Variants in KATNAL2 observed in about 807,000 individuals in gnomAD.
The protein encoded by KATNAL2 is katanin p60 ATPase-containing subunit A-like 2.
A neutral mutation model predicts 76.3 loss-of-function variants in KATNAL2; 52 were observed. That is an observed-to-expected ratio of 0.68 (90% CI 0.55 to 0.86). The LOEUF is 0.86. Ranked by LOEUF, KATNAL2 falls within the 40% of genes least tolerant of loss-of-function variation. The pLI, the probability that KATNAL2 is intolerant of heterozygous loss-of-function variation, is 0.00. For synonymous variants in KATNAL2, 243 were observed against 244.2 expected, an observed-to-expected ratio of 1.00 and a Z score of 0.05; for missense variants, 660 against 668.9, an observed-to-expected ratio of 0.99 and a Z score of 0.15.
At chr18:46,953,998 C>A (rs1599441041) in intron 3 of KATNAL2, among the ~76,000 whole-genome samples, 1 of 152,156 alleles carries the variant, frequency 6.6e-6, no homozygotes, top group Middle Eastern at 3.4e-3. Context: ...TTGGAGAGAA[C>A]AGAGGAAGAC....
At chr18:47,087,999 T>G (rs753030753) in intron 15 of KATNAL2, among the ~76,000 whole-genome samples, 4 of 152,178 alleles carry the variant, frequency 2.6e-5, no homozygotes, top group Non-Finnish European at 4.4e-5. Flanking sequence ...GTTGAACACC[T>G]TTTCCCACTA....
chr18:46,918,995 G>A (rs868182608), intron 1 of KATNAL2, among the ~76,000 whole-genome samples: 3 of 147,450 alleles, frequency 2.0e-5, no homozygotes, highest in South Asian at 2.1e-4. Flanking sequence ...GTGTGTGCGT[G>A]TATATATATA....
At position 47,055,344 on chromosome 18, in the gene KATNAL2, A is replaced by G. The variant is rs1365563454; in HGVS notation, c.332+906A>G. On this transcript the variant is annotated intron_variant, in intron 6 of 17. Transcript: ENST00000683218. ...TTAAAGTCTTAAAATGCTCTTGGAA[A>G]AAGAAAAGTTAGATTGTAATCACAT... Among the ~76,000 whole-genome samples, 5 of 152,250 alleles carry G rather than the reference A, an allele frequency of 3.3e-5. No individual in the cohort carries two copies. In the East Asian group the frequency reaches 9.6e-4, roughly 29 times the overall value.
chr18:46,945,203 C>A (rs1726385425), intron 1 of KATNAL2, among the ~76,000 whole-genome samples: 2 of 152,158 alleles, frequency 1.3e-5, no homozygotes, highest in African/African-American at 4.8e-5. Context: ...TCATTCATAT[C>A]AAAGAATCAC....
At chr18:47,051,292 G>A (rs183986419) in intron 4 of KATNAL2, among the ~76,000 whole-genome samples, 43 of 152,148 alleles carry the variant, frequency 2.8e-4, no homozygotes, top group African/African-American at 9.4e-4. Flanking sequence ...ATAGCTGGGC[G>A]TGGTGGTGCA....
At chr18:47,034,655 C>T (rs1395887650) in intron 3 of KATNAL2, 3 of 1,613,602 alleles carry the variant, frequency 1.9e-6, no homozygotes, top group Admixed American at 3.3e-5. Context: ...AGCAGAGGCC[C>T]GCCCTGAGCC....
rs1390574492 is a variant in KATNAL2 at position 47,031,385 on chromosome 18, A to T, written c.52-15072A>T. Reference sequence around the variant, plus strand: ...TCGTTGGCAGTTTCGCGTAATTTTTAATTTCTCGTGTGACTTTTTTTGTGT... The same window carrying T: ...TCGTTGGCAGTTTCGCGTAATTTTTTATTTCTCGTGTGACTTTTTTTGTGT... On this transcript the variant is annotated intron_variant, in intron 3 of 17. Transcript: ENST00000683218. Among the ~76,000 whole-genome samples, 3 of 151,556 alleles carry T rather than the reference A, an allele frequency of 2.0e-5. No individual in the cohort carries two copies. In the South Asian group the frequency reaches 6.3e-4, roughly 32 times the overall value.
chr18:47,070,243 C>G (rs565273523), intron 13 of KATNAL2, among the ~76,000 whole-genome samples: 1 of 151,838 alleles, frequency 6.6e-6, no homozygotes, highest in African/African-American at 2.4e-5. Context: ...ATTACAGGTG[C>G]CTGCCACCAC....
intron 13 of KATNAL2, among the ~76,000 whole-genome samples, chr18:47,073,455 A>G (rs2062076704): frequency 6.6e-6 from 1 of 152,040 alleles, no homozygotes; most frequent in African/African-American, 2.4e-5. Flanking sequence ...TTTTCTCTTT[A>G]TTTTCTGAGC....
At chr18:47,081,727 G>C (rs984206314) in intron 15 of KATNAL2, among the ~76,000 whole-genome samples, 4 of 152,166 alleles carry the variant, frequency 2.6e-5, no homozygotes, top group African/African-American at 9.7e-5. Context: ...GTTAGGTGTG[G>C]TCAAGGCCAA....
intron 8 of KATNAL2, 120 bp downstream of exon 8, chr18:47,059,774 G>A (rs2061577761): frequency 1.4e-6 from 1 of 726,554 alleles, no homozygotes; most frequent in Non-Finnish European, 2.3e-6. Context: ...TTGAAGGTTG[G>A]CTGTGAGGTA....
At chr18:46,962,110 T>C (rs1306377051) in intron 3 of KATNAL2, among the ~76,000 whole-genome samples, 1 of 150,654 alleles carries the variant, frequency 6.6e-6, no homozygotes, top group East Asian at 2.0e-4. Context: ...AAATAGGATT[T>C]TGGCTCAGCC....
intron 1 of KATNAL2, among the ~76,000 whole-genome samples, chr18:46,937,068 C>T (rs940707497): frequency 6.6e-6 from 1 of 152,218 alleles, no homozygotes; most frequent in African/African-American, 2.4e-5. Context: ...ACTCACCTCT[C>T]TATCAGGAAG....
At chr18:47,041,786 C>T (rs542702605) in intron 3 of KATNAL2, among the ~76,000 whole-genome samples, 1 of 152,184 alleles carries the variant, frequency 6.6e-6, no homozygotes, top group East Asian at 1.9e-4. Flanking sequence ...TTTAAAAAAA[C>T]CTGCCAAAGT....
rs1398049521 is a variant in KATNAL2, at chr18:46,962,373, T to C, written c.51+15450T>C. Among the ~76,000 whole-genome samples, 4 of 95,362 alleles carry C rather than the reference T, an allele frequency of 4.2e-5. No individual in the cohort carries two copies. The Admixed American group carries it at 4.6e-4, about 11-fold the overall frequency. 62.6% of individuals were successfully genotyped at this position (95,362 alleles called of 152,430 possible). A position where few individuals can be genotyped will look rare whatever the true frequency, so the allele number is the denominator to read the frequency against. ...GGAGTTATCAGTGTCAACTGGTGGATTGAGAGTTTGTGTCTAAGAAGTCCT... is the reference window on the plus strand; with the variant it reads ...GGAGTTATCAGTGTCAACTGGTGGACTGAGAGTTTGTGTCTAAGAAGTCCT... On this transcript the variant is annotated intron_variant, in intron 3 of 17. Coordinates refer to ENST00000683218, the MANE Select transcript of KATNAL2 (RefSeq NM_001387690.1).
At chr18:47,057,125 A>C (rs758051641) in intron 6 of KATNAL2, among the ~76,000 whole-genome samples, 50 of 152,170 alleles carry the variant, frequency 3.3e-4, no homozygotes, top group Non-Finnish European at 5.9e-4. Context: ...CTGGCCAAAT[A>C]GTTGTGCATT....
At chr18:46,922,766 C>T (rs1391070124) in intron 1 of KATNAL2, among the ~76,000 whole-genome samples, 1 of 151,670 alleles carries the variant, frequency 6.6e-6, no homozygotes, top group Non-Finnish European at 1.5e-5. Flanking sequence ...CATTGCATTC[C>T]AACCTGGGCA....
At chr18:47,033,982 T>C in intron 3 of KATNAL2, 1 of 1,613,616 alleles carries the variant, frequency 6.2e-7, no homozygotes, top group Non-Finnish European at 8.5e-7. Flanking sequence ...AGGCAATTTC[T>C]TAGCCGAATC....
chr18:46,947,866 A>C (rs957036967), intron 3 of KATNAL2, among the ~76,000 whole-genome samples: 2 of 152,102 alleles, frequency 1.3e-5, no homozygotes, highest in Admixed American at 1.3e-4. Context: ...TTGGCTACAC[A>C]TGTTGTTGCT....
Sources: gnomAD v4.1 joint callset for allele counts (sites outside exome capture counted in the v4.1 genomes callset) on GRCh38, gnomAD v4.1.1 for gene constraint, MANE v1.5 for transcripts, NCBI Gene and HGNC (gene_info 2026-07-23, HGNC 2026-07-21) for gene names.